HECW1: variants seen among roughly 807,000 people sequenced by gnomAD.
The protein encoded by HECW1 is E3 ubiquitin-protein ligase HECW1.
A neutral mutation model predicts 182.3 loss-of-function variants in HECW1; 61 were observed. The ratio of observed to expected loss-of-function variants is 0.33; its 90% CI spans 0.27 to 0.41. The LOEUF is 0.41. Among genes scored for constraint, HECW1 ranks in the 10% least tolerant of loss-of-function variants. The pLI is 1.00. For synonymous variants in HECW1, 859 were observed against 832.6 expected, an observed-to-expected ratio of 1.03 and a Z score of -0.55; for missense variants, 1,739 against 2,108.9, an observed-to-expected ratio of 0.82 and a Z score of 3.44.
At chr7:43,198,272 C>G (rs1484477920) in intron 2 of HECW1, among the ~76,000 whole-genome samples, 4 of 149,580 alleles carry the variant, frequency 2.7e-5, no homozygotes, top group African/African-American at 9.9e-5. Flanking sequence ...CACACACACC[C>G]CACACTCACA....
chr7:43,399,837 G>A (rs767621582), intron 7 of HECW1, among the ~76,000 whole-genome samples: 8 of 152,204 alleles, frequency 5.3e-5, no homozygotes, highest in Non-Finnish European at 8.8e-5. Flanking sequence ...AGCAAGCTTG[G>A]AATGGTCATG....
At chr7:43,201,388 A>G (rs1227829079) in intron 2 of HECW1, among the ~76,000 whole-genome samples, 1 of 152,242 alleles carries the variant, frequency 6.6e-6, no homozygotes, top group African/African-American at 2.4e-5. Context: ...ACCTCTGTGC[A>G]TGTTCATGGG....
intron 2 of HECW1, among the ~76,000 whole-genome samples, chr7:43,151,591 T>G (rs1053483626): frequency 1.3e-5 from 2 of 152,102 alleles, no homozygotes; most frequent in Non-Finnish European, 2.9e-5. Context: ...AAAAGGAAAT[T>G]TAAAATGTGA....
At chr7:43,113,982 G>A (rs1232475421) in intron 1 of HECW1, 175 bp from the exon 2 acceptor site, 2 of 317,032 alleles carry the variant, frequency 6.3e-6, no homozygotes, top group African/African-American at 4.2e-5. Flanking sequence ...GGCTTCCTGT[G>A]GTTCCGGGCA....
chr7:43,555,220 C>T (rs747280317), intron 29 of HECW1, among the ~76,000 whole-genome samples: 2 of 152,134 alleles, frequency 1.3e-5, no homozygotes, highest in African/African-American at 4.8e-5. Flanking sequence ...TGTGGTGTGT[C>T]GGATTTTTCC....
At chr7:43,500,869 G>T in intron 20 of HECW1, 87 bp downstream of exon 20, 1 of 1,102,478 alleles carries the variant, frequency 9.1e-7, no homozygotes, top group African/African-American at 1.5e-5. Context: ...GGCCTAGACT[G>T]AAAAACTCAC....
At chr7:43,470,352 A>T (rs1330576784) in intron 16 of HECW1, among the ~76,000 whole-genome samples, 1 of 152,218 alleles carries the variant, frequency 6.6e-6, no homozygotes, top group Non-Finnish European at 1.5e-5. Context: ...TGACACCACC[A>T]TGTTCATCAT....
At chr7:43,175,332 C>G (rs1046102929) in intron 2 of HECW1, among the ~76,000 whole-genome samples, 3 of 152,170 alleles carry the variant, frequency 2.0e-5, no homozygotes, top group Non-Finnish European at 2.9e-5. Flanking sequence ...GCTACAGTCA[C>G]CATGTTGTAC....
intron 7 of HECW1, 97 bp downstream of exon 7, chr7:43,396,986 C>A: frequency 1.1e-6 from 1 of 886,490 alleles, no homozygotes; most frequent in South Asian, 1.4e-5. Context: ...ACAAGTCAGT[C>A]AACCTCTCTG....
At chr7:43,449,653 T>C (rs2077169057) in intron 11 of HECW1, among the ~76,000 whole-genome samples, 1 of 152,232 alleles carries the variant, frequency 6.6e-6, no homozygotes, top group Non-Finnish European at 1.5e-5. Context: ...TCTCTCCTTT[T>C]TGACCCAAGG....
rs144470603 is a variant in HECW1 at position 43,378,051 on chromosome 7, G to C, written c.555+17071G>C. Reference sequence around the variant, plus strand: ...CTAATAAATAGTTGTGTTTTAAAGAGTTGAGTTTAATTGGAAACTACTTAA... The same window carrying C: ...CTAATAAATAGTTGTGTTTTAAAGACTTGAGTTTAATTGGAAACTACTTAA... On this transcript the variant is annotated intron_variant, in intron 6 of 29. Coordinates refer to ENST00000395891, the MANE Select transcript of HECW1 (RefSeq NM_015052.5). 568 of 174,540 alleles carry C rather than the reference G, an allele frequency of 3.3e-3. 2 individuals are homozygous for C. Among genetic ancestry groups the C allele is most frequent in the Non-Finnish European group, 5.4e-3 (434 of 80,842 alleles). The allele number at this position is 174,540 out of a possible 1,614,324, so 10.8% of individuals were successfully genotyped here. A position where few individuals can be genotyped will look rare whatever the true frequency, so the allele number is the denominator to read the frequency against.
intron 2 of HECW1, among the ~76,000 whole-genome samples, chr7:43,203,716 C>T (rs1795214901): frequency 6.6e-6 from 1 of 152,178 alleles, no homozygotes; most frequent in Non-Finnish European, 1.5e-5. Context: ...CCTCAGCCTC[C>T]CAAAATGCTG....
Position 43,445,543 on chromosome 7 carries a change from G to A in HECW1, c.2371G>A (p.Val791Met). 1.2e-6 allele frequency: 2 copies of A among 1,600,694 alleles called. No individual in the cohort carries two copies. Among genetic ancestry groups the A allele is most frequent in the Non-Finnish European group, 1.7e-6 (2 of 1,171,096 alleles). ...AAGCCCGGAAGGTCTGGAATCCCCC[G>A]TGGCAGGTCCAAGCAATCGGAGAGA... ...ERSPEGLESP[V>M]AGPSNRREGE... is the part of the protein sequence containing the mutation. Residue 791 changes from valine to methionine, a missense_variant, in exon 11 of 30, where the codon GTG becomes ATG. Coordinates refer to ENST00000395891, the MANE Select transcript of HECW1 (RefSeq NM_015052.5).
chr7:43,414,392 C>T (rs1444747847), intron 8 of HECW1, among the ~76,000 whole-genome samples: 2 of 139,136 alleles, frequency 1.4e-5, no homozygotes, highest in Non-Finnish European at 3.1e-5. Context: ...ACAATCATGT[C>T]GTCTGCAAAC....
At chr7:43,206,607 C>T (rs1795503625) in intron 2 of HECW1, among the ~76,000 whole-genome samples, 1 of 152,172 alleles carries the variant, frequency 6.6e-6, no homozygotes, top group African/African-American at 2.4e-5. Context: ...TGTACTCTAA[C>T]ACCACAAAAG....
intron 7 of HECW1, among the ~76,000 whole-genome samples, chr7:43,407,195 A>G (rs1013910536): frequency 1.3e-5 from 2 of 151,906 alleles, no homozygotes; most frequent in Non-Finnish European, 2.9e-5. Context: ...TCTTTCCTCC[A>G]TTGTCCACGC....
At position 43,311,909 on chromosome 7, in the gene HECW1, C is replaced by G. The variant is rs906767913; in HGVS notation, c.174C>G (p.His58Gln). The change falls in exon 4 of 30, where the codon CAC (histidine) becomes CAG (glutamine). Residue 58 changes from histidine to glutamine, a missense_variant. This residue lies in a region of HECW1 where 279 missense variants were observed against 353.1 expected (regional missense o/e 0.79). Transcript: ENST00000395891. The stretch of plus-strand genomic sequence containing the variant: ...ACATGGACCTCAGGGGCGGCCCCCA[C>G]GATGGCGTCACCATTCCCCGCTCCA... ...FHNMDLRGGP[H>Q]DGVTIPRSTS... 6.2e-7 allele frequency: 1 copy of G among 1,614,106 alleles called. No individual in the cohort carries two copies. Among genetic ancestry groups the G allele is most frequent in the Non-Finnish European group, 8.5e-7 (1 of 1,180,046 alleles).
intron 2 of HECW1, among the ~76,000 whole-genome samples, chr7:43,199,615 T>A (rs1794848356): frequency 6.6e-6 from 1 of 152,188 alleles, no homozygotes; most frequent in Non-Finnish European, 1.5e-5. Context: ...TTTTTTTAAT[T>A]CTTTGTAAGC....
At chr7:43,541,311 A>G in intron 25 of HECW1, 50 bp downstream of exon 25, 5 of 1,388,028 alleles carry the variant, frequency 3.6e-6, no homozygotes, top group Non-Finnish European at 5.1e-6. Flanking sequence ...CTGCAGGGCA[A>G]GGACACCGAC....
Sources: gnomAD v4.1 joint callset for allele counts (sites outside exome capture counted in the v4.1 genomes callset) on GRCh38, gnomAD v4.1.1 for gene constraint, gnomAD v4.1.1 regional missense constraint, MANE v1.5 for transcripts, NCBI Gene and HGNC (gene_info 2026-07-23, HGNC 2026-07-21) for gene names.